Variants in LIMD1 observed in about 807,000 individuals in gnomAD.
LIMD1 encodes the protein LIM domain containing 1, also known as LIM domain-containing protein 1.
Under a neutral mutation model 58.4 loss-of-function variants are expected in LIMD1, and 23 were observed. That is an observed-to-expected ratio of 0.39 (90% confidence interval 0.28 to 0.56). The LOEUF (loss-of-function observed/expected upper bound fraction) is 0.56. Ranked by LOEUF, LIMD1 falls within the 20% of genes least tolerant of loss-of-function variation. The pLI is 0.57. For synonymous variants in LIMD1, 334 were observed against 345.5 expected (o/e 0.97, Z 0.37); for missense variants, 838 against 855.5 (o/e 0.98, Z 0.25).
intron 4 of LIMD1, 136 bp from the exon 5 acceptor site, chr3:45,672,554 C>G (rs1697600307): frequency 1.1e-6 from 1 of 947,854 alleles, no homozygotes; most frequent in African/African-American, 1.6e-5. Flanking sequence ...TCTTGCTCTT[C>G]TCCTAGGTGA....
At chr3:45,636,583 A>G (rs532425878) in intron 2 of LIMD1, among the ~76,000 whole-genome samples, 1 of 152,276 alleles carries the variant, frequency 6.6e-6, no homozygotes, top group East Asian at 1.9e-4. Context: ...CACCATGTCT[A>G]CCCTGTTTGT....
chr3:45,601,146 T>C (rs1701408186), intron 1 of LIMD1, among the ~76,000 whole-genome samples: 1 of 152,002 alleles, frequency 6.6e-6, no homozygotes. Flanking sequence ...TGAGACAGAG[T>C]TGACCATACA....
At position 45,673,387 on chromosome 3, in the gene LIMD1, G is replaced by A. The variant is rs565278232; in HGVS notation, c.1773-67G>A. On this transcript the variant is annotated intron_variant, in intron 5 of 7. Transcript: ENST00000273317. The stretch of plus-strand genomic sequence containing the variant: ...GAGGAAGGCTCCATGTGGATTCCAA[G>A]TGCAAGTCTGACTCTGGAATTTGCT... 67 of 1,286,952 alleles carry A rather than the reference G, an allele frequency of 5.2e-5. No individual in the cohort carries two copies. The Admixed American group carries it at 1.1e-3, about 22-fold the overall frequency. 79.7% of individuals were successfully genotyped at this position (1,286,952 alleles called of 1,614,324 possible).
At chr3:45,617,574 C>G (rs1701587774) in intron 1 of LIMD1, among the ~76,000 whole-genome samples, 2 of 152,210 alleles carry the variant, frequency 1.3e-5, no homozygotes, top group Non-Finnish European at 2.9e-5. Flanking sequence ...TCCCAGCAGC[C>G]CTGCAAAGTG....
intron 1 of LIMD1, among the ~76,000 whole-genome samples, chr3:45,628,023 A>AAGAAG (rs1701683975): frequency 6.6e-6 from 1 of 151,926 alleles, no homozygotes; most frequent in African/African-American, 2.4e-5. Flanking sequence ...AAAAAAAGAA[A>AAGAAG]AAAGAATATA....
intron 1 of LIMD1, among the ~76,000 whole-genome samples, chr3:45,613,217 A>G (rs139000034): frequency 7.6e-4 from 116 of 152,336 alleles, no homozygotes; most frequent in Non-Finnish European, 9.4e-4. Context: ...TTCGATGTTA[A>G]TGAATCAACA....
intron 1 of LIMD1, among the ~76,000 whole-genome samples, chr3:45,619,698 C>A (rs1338419105): frequency 1.3e-5 from 2 of 152,028 alleles, no homozygotes; most frequent in Admixed American, 1.3e-4. Flanking sequence ...ACTCGGGAGA[C>A]TGAAGCAGGA....
intron 1 of LIMD1, among the ~76,000 whole-genome samples, chr3:45,604,675 A>G (rs116191623): frequency 6.6e-5 from 10 of 152,064 alleles, no homozygotes; most frequent in African/African-American, 2.4e-4. Flanking sequence ...GGTGGCTCCC[A>G]ACGGATGTTC....
rs993098958 is a variant in LIMD1, at chr3:45,644,853, A to G, written c.1510+8602A>G. Among the ~76,000 whole-genome samples, 11 of 152,262 alleles carry G rather than the reference A, an allele frequency of 7.2e-5. No homozygotes were observed. The East Asian group carries it at 2.1e-3, about 29-fold the overall frequency. ...GAGACTGGATTTTTGGCCACCCTCG[A>G]GTTGTGAGTGCAGGAGAGTGGCCTG... On this transcript the variant is annotated intron_variant, in intron 2 of 7. Coordinates refer to ENST00000273317, the MANE Select transcript of LIMD1 (RefSeq NM_014240.3).
At chr3:45,645,832 C>G (rs1397730280) in intron 2 of LIMD1, among the ~76,000 whole-genome samples, 3 of 152,028 alleles carry the variant, frequency 2.0e-5, no homozygotes, top group Non-Finnish European at 4.4e-5. Flanking sequence ...GATTCCTTCT[C>G]CTTCTCTTTC....
At chr3:45,664,505 A>G (rs1697486041) in intron 2 of LIMD1, among the ~76,000 whole-genome samples, 1 of 152,218 alleles carries the variant, frequency 6.6e-6, no homozygotes, top group South Asian at 2.1e-4. Flanking sequence ...AGGAACCTAC[A>G]GGAGGGCTGG....
chr3:45,636,678 C>T (rs1273440266), intron 2 of LIMD1, among the ~76,000 whole-genome samples: 3 of 152,098 alleles, frequency 2.0e-5, no homozygotes, highest in African/African-American at 4.8e-5. Context: ...GGTGGGGGTC[C>T]TTTATTACTC....
intron 1 of LIMD1, among the ~76,000 whole-genome samples, chr3:45,610,915 G>A (rs1196083503): frequency 6.6e-6 from 1 of 152,166 alleles, no homozygotes; most frequent in Non-Finnish European, 1.5e-5. Flanking sequence ...ATTCTATGTT[G>A]AAATGAGACT....
rs1233321094 is a variant in LIMD1, at chr3:45,666,235, G to T, written c.1578+518G>T. Among the ~76,000 whole-genome samples, 6 of 152,160 alleles carry T rather than the reference G, an allele frequency of 3.9e-5. 1 individual carries two copies. Among genetic ancestry groups the T allele is most frequent in the Non-Finnish European group, 8.8e-5 (6 of 68,030 alleles). ...AAAATCTTACCTTGCCTTGGGTCCT[G>T]ATCTGTGAGAATTGCCTCCTAGGTT... On this transcript the variant is annotated intron_variant, in intron 3 of 7. Coordinates refer to ENST00000273317, the MANE Select transcript of LIMD1 (RefSeq NM_014240.3).
intron 2 of LIMD1, among the ~76,000 whole-genome samples, chr3:45,649,719 T>C (rs1701944906): frequency 6.9e-6 from 1 of 144,292 alleles, no homozygotes; most frequent in Non-Finnish European, 1.5e-5. Context: ...CATATATATA[T>C]ATAAAATTAT....
In LIMD1 at chr3:45,683,218, G is replaced by C. The variant is rs921757359; in HGVS notation, c.*6159G>C. On this transcript the variant is annotated 3_prime_UTR_variant, in exon 8 of 8. Transcript: ENST00000273317. Reference sequence around the variant, plus strand: ...CAGAATAAGATATTCACAGGTTCTGGTGAGGAGGACAGGGACATCTCTGAA... The same window carrying C: ...CAGAATAAGATATTCACAGGTTCTGCTGAGGAGGACAGGGACATCTCTGAA... The C allele has an allele frequency of 2.0e-5, 3 of 152,272 alleles. No individual in the cohort carries two copies. Among genetic ancestry groups the C allele is most frequent in the African/African-American group, 7.2e-5 (3 of 41,464 alleles). The allele number at this position is 152,272 out of a possible 1,614,324, so 9.4% of individuals were successfully genotyped here. A position where few individuals can be genotyped will look rare whatever the true frequency, so the allele number is the denominator to read the frequency against.
chr3:45,620,731 AAAAC>A (rs1372569240), intron 1 of LIMD1, among the ~76,000 whole-genome samples: 1 of 152,246 alleles, frequency 6.6e-6, no homozygotes, highest in Non-Finnish European at 1.5e-5. Context: ...TCTGTCTCAA[AAAAC>A]AAACAAAAAG....
Position 45,595,494 on chromosome 3 carries a change from G to A in LIMD1, c.615G>A (p.Gly205=). Residue 205 remains glycine (G), a synonymous_variant, in exon 1 of 8, where the codon GGG becomes GGA. Coordinates refer to ENST00000273317, the MANE Select transcript of LIMD1 (RefSeq NM_014240.3). ...CCCCCAGCATCGGCCTGAGTGTAGG[G>A]AGTGGGTGGCCTAGCTCCCCGGGGA... ...GVSPSIGLSV[G]SGWPSSPGSD... 1 of 1,613,970 alleles carries A rather than the reference G, an allele frequency of 6.2e-7. No homozygotes were observed. Among genetic ancestry groups the A allele is most frequent in the Non-Finnish European group, 8.5e-7 (1 of 1,179,968 alleles).
rs1701340850 is a variant in LIMD1 at position 45,595,769 on chromosome 3, T to G, written c.890T>G (p.Val297Gly). ...CCTGTTCAGCCCAGGACCCCTTCTG[T>G]GTCAGCACCCTTGGCCCTGAGCTGC... The part of the protein sequence containing the change: ...VGPVQPRTPS[V>G]SAPLALSCPR... Residue 297 changes from valine to glycine, a missense_variant, in exon 1 of 8, where the codon GTG becomes GGG. Transcript: ENST00000273317. 1.2e-6 allele frequency: 2 copies of G among 1,614,082 alleles called. No homozygotes were observed. The highest frequency in any genetic ancestry group is 4.5e-5 in the East Asian group (2 of 44,882).
Sources: allele counts gnomAD v4.1 joint callset (sites outside exome capture counted in the v4.1 genomes callset), GRCh38; gene constraint gnomAD v4.1.1; transcripts MANE v1.5; gene names NCBI Gene and HGNC (gene_info 2026-07-23, HGNC 2026-07-21).